The following ATP2B2 variants were observed in gnomAD, a reference collection of about 807,000 sequenced individuals.
ATP2B2 encodes ATPase plasma membrane Ca2+ transporting 2, also known as plasma membrane calcium-transporting ATPase 2.
Under a neutral mutation model 120.0 loss-of-function variants are expected in ATP2B2, and 15 were observed. That is an observed-to-expected ratio of 0.12 (90% CI 0.08 to 0.19). The LOEUF (loss-of-function observed/expected upper bound fraction) is 0.19, where lower values mean the gene tolerates loss of function less well. ATP2B2 is among the 10% of genes least tolerant of loss of function. The pLI is 1.00. For missense variants in ATP2B2, 1,045 were observed against 1,719.8 expected, an observed-to-expected ratio of 0.61 and a Z score of 6.94; for synonymous variants, 694 against 700.3, an observed-to-expected ratio of 0.99 and a Z score of 0.14.
chr3:10,493,391 G>C (rs1036289347), intron 1 of ATP2B2, among the ~76,000 whole-genome samples: 7 of 152,238 alleles, frequency 4.6e-5, no homozygotes, highest in African/African-American at 1.7e-4. Context: ...CAAAGGCCCT[G>C]AGACAGGAAA....
chr3:10,331,579 A>C (rs1204623233), intron 22 of ATP2B2, among the ~76,000 whole-genome samples: 1 of 151,418 alleles, frequency 6.6e-6, no homozygotes, highest in African/African-American at 2.4e-5. Flanking sequence ...TGGGGACGAG[A>C]CTTTTTGGGA....
At position 10,350,260 on chromosome 3, in the gene ATP2B2, A is replaced by G. The variant is rs374403809; in HGVS notation, c.2317-61T>C. ...GTCGGGGAGAGAAACTGAGGCCTGG[A>G]GAAGGGAGGGGACATGCCCAGAGTC... On this transcript the variant is annotated intron_variant, in intron 15 of 22. Coordinates refer to ENST00000360273, the MANE Select transcript of ATP2B2 (RefSeq NM_001001331.4). The G allele has an allele frequency of 4.1e-3, 6,544 of 1,579,612 alleles. 29 individuals are homozygous for G. Among genetic ancestry groups the G allele is most frequent in the South Asian group, 0.012 (1,101 of 88,712 alleles).
chr3:10,522,988 G>T (rs919914781), intron 3 of ATP2B2, among the ~76,000 whole-genome samples: 11 of 152,242 alleles, frequency 7.2e-5, no homozygotes, highest in Admixed American at 7.2e-4. Flanking sequence ...CACAATAGGT[G>T]CTCCACAGCT....
intron 3 of ATP2B2, among the ~76,000 whole-genome samples, chr3:10,408,951 C>T (rs554476494): frequency 6.6e-6 from 1 of 152,236 alleles, no homozygotes; most frequent in East Asian, 1.9e-4. Flanking sequence ...TTGCTACTTT[C>T]TAGCTGTGTG....
chr3:10,686,043 CT>C (rs34073958), intron 1 of ATP2B2, among the ~76,000 whole-genome samples: 31,229 of 93,572 alleles, frequency 0.33, 2,698 homozygotes, highest in Admixed American at 0.42. Context: ...TTCCTCCTTT[CT>C]TTTTTTTTTT....
chr3:10,388,323 G>T lies in ATP2B2; in HGVS notation c.861C>A (p.Thr287=), dbSNP rs780890460. 3.7e-6 allele frequency: 6 copies of T among 1,614,184 alleles called. No homozygotes were observed. The highest frequency in any genetic ancestry group is 4.2e-6 in the Non-Finnish European group (5 of 1,180,036). ...GVNSQTGIIF[T]LLGAGGEEEE... ...CCTCTTCACCACCAGCCCCCAGGAG[G>T]GTAAAGATGATGCCAGTCTGAGAGT... Residue 287 remains threonine (T), a synonymous_variant, in exon 6 of 23, where the codon ACC becomes ACA. Transcript: ENST00000360273.
chr3:10,544,064 T>C (rs1447509576), intron 2 of ATP2B2, among the ~76,000 whole-genome samples: 1 of 152,130 alleles, frequency 6.6e-6, no homozygotes, highest in African/African-American at 2.4e-5. Context: ...TTTAAGAACA[T>C]AATGAGTCTT....
intron 1 of ATP2B2, among the ~76,000 whole-genome samples, chr3:10,630,441 C>A (rs1000807514): frequency 1.1e-4 from 16 of 152,114 alleles, no homozygotes; most frequent in Admixed American, 9.8e-4. Context: ...TCTATTCCTG[C>A]ATTAGTTTGC....
intron 1 of ATP2B2, among the ~76,000 whole-genome samples, chr3:10,459,009 TG>T (rs2064376536): frequency 6.6e-6 from 1 of 152,218 alleles, no homozygotes; most frequent in Non-Finnish European, 1.5e-5. Context: ...CCTTGCTTCT[TG>T]GGTCATGCAC....
chr3:10,480,796 C>T (rs1299404386), intron 1 of ATP2B2, among the ~76,000 whole-genome samples: 2 of 152,236 alleles, frequency 1.3e-5, no homozygotes, highest in Non-Finnish European at 2.9e-5. Flanking sequence ...ACCCCTTCTG[C>T]ACATGGCAAC....
At chr3:10,574,006 C>T (rs796952684) in intron 2 of ATP2B2, among the ~76,000 whole-genome samples, 1 of 152,074 alleles carries the variant, frequency 6.6e-6, no homozygotes, top group Admixed American at 6.5e-5. Flanking sequence ...CCTATTGACA[C>T]GTTCAATTCT....
chr3:10,442,213 C>T (rs974118410), intron 2 of ATP2B2, among the ~76,000 whole-genome samples: 3 of 152,056 alleles, frequency 2.0e-5, no homozygotes, highest in South Asian at 2.1e-4. Flanking sequence ...TAAAGTGAGG[C>T]CCCGTGGAAA....
intron 3 of ATP2B2, among the ~76,000 whole-genome samples, chr3:10,531,137 G>A (rs1297395254): frequency 2.0e-5 from 3 of 152,126 alleles, no homozygotes; most frequent in African/African-American, 4.8e-5. Context: ...CCTCTGGGAG[G>A]ACCTTTCACT....
In ATP2B2 at chr3:10,680,953, C is replaced by T. The variant is rs1035090060; in HGVS notation, c.-460+26962G>A. 2.6e-5 allele frequency among the ~76,000 whole-genome samples: 4 copies of T among 152,130 alleles called. No individual in the cohort carries two copies. In the East Asian group the frequency reaches 7.7e-4, roughly 29 times the overall value. ...AGATTTCTTATGAATGGTTTAGCAC[C>T]ATCTACCTGGTGCTGTCCTCTTATA... On this transcript the variant is annotated intron_variant, in intron 1 of 21. Coordinates refer to the ATP2B2 transcript ENST00000646379.
intron 2 of ATP2B2, among the ~76,000 whole-genome samples, chr3:10,557,720 T>C (rs1044578264): frequency 6.6e-6 from 1 of 152,168 alleles, no homozygotes; most frequent in Non-Finnish European, 1.5e-5. Flanking sequence ...TACACCATTA[T>C]TCTGTTTTTA....
intron 3 of ATP2B2, 118 bp downstream of exon 3, chr3:10,410,500 G>A (rs1323903736): frequency 3.0e-6 from 4 of 1,320,758 alleles, no homozygotes; most frequent in East Asian, 4.6e-5. Flanking sequence ...CCTGCCCCTT[G>A]GACCTCGGTT....
intron 1 of ATP2B2, among the ~76,000 whole-genome samples, chr3:10,486,327 G>GTGTGCA (rs889731883): frequency 3.3e-5 from 3 of 91,710 alleles, no homozygotes; most frequent in African/African-American, 1.3e-4. Context: ...GTGCGTGCGT[G>GTGTGCA]TGTGTGTGTG....
chr3:10,528,887 T>C (rs2067153442), intron 3 of ATP2B2, among the ~76,000 whole-genome samples: 1 of 152,186 alleles, frequency 6.6e-6, no homozygotes. Flanking sequence ...ATATGGATTG[T>C]AGGCTCTCAG....
At chr3:10,602,855 C>T (rs988960262) in intron 2 of ATP2B2, among the ~76,000 whole-genome samples, 11 of 152,176 alleles carry the variant, frequency 7.2e-5, no homozygotes, top group African/African-American at 2.4e-4. Flanking sequence ...GGGCTTTGAA[C>T]TGGGCCACAC....
Sources: allele counts gnomAD v4.1 joint callset (sites outside exome capture counted in the v4.1 genomes callset), GRCh38; gene constraint gnomAD v4.1.1; transcripts MANE v1.5; gene names NCBI Gene and HGNC (gene_info 2026-07-23, HGNC 2026-07-21).